Variants in TMEM35A observed in about 807,000 individuals in gnomAD.
TMEM35A encodes the protein transmembrane protein 35A.
For synonymous variants in TMEM35A, 50 were observed against 54.7 expected, an observed-to-expected ratio of 0.91 and a Z score of 0.38; for missense variants, 83 against 132.7, an observed-to-expected ratio of 0.63 and a Z score of 1.84.
At chrX:101,091,695 T>A (rs1325782986) in intron 1 of TMEM35A, among the ~76,000 whole-genome samples, 2 of 111,979 alleles carry the variant, frequency 1.8e-5, no homozygotes, top group African/African-American at 6.5e-5. Context: ...CTCCATGATC[T>A]AATTCATATT....
At position 101,095,443 on chromosome X, in the gene TMEM35A, A is replaced by C; in HGVS notation, c.*487A>C. The C allele has an allele frequency of 8.9e-6, 1 of 112,675 alleles. No individual in the cohort carries two copies. Among genetic ancestry groups the C allele is most frequent in the African/African-American group, 3.2e-5 (1 of 31,010 alleles). The allele number at this position is 112,675 out of a possible 1,213,427, so 9.3% of individuals were successfully genotyped here. On this transcript the variant is annotated 3_prime_UTR_variant, in exon 2 of 2. Transcript: ENST00000372930. ...AAAGGCGGAATAAAACAAATTTCCT[A>C]TGAAGAGAATCCTGATATGAAACAA...
At chrX:101,091,626 T>G (rs1263264596) in intron 1 of TMEM35A, among the ~76,000 whole-genome samples, 1 of 112,037 alleles carries the variant, frequency 8.9e-6, no homozygotes, top group East Asian at 2.8e-4. Flanking sequence ...GGAATTTCTT[T>G]AAAAGTTCCT....
chrX:101,081,339 G>GCAT (rs1290330466), intron 1 of TMEM35A, among the ~76,000 whole-genome samples: 3 of 112,677 alleles, frequency 2.7e-5, no homozygotes, highest in Admixed American at 9.4e-5. Flanking sequence ...AAAGCCTACT[G>GCAT]CATAGTGCCT....
intron 1 of TMEM35A, among the ~76,000 whole-genome samples, chrX:101,090,972 G>A (rs2089322469): frequency 9.1e-6 from 1 of 110,485 alleles, no homozygotes; most frequent in African/African-American, 3.3e-5. Context: ...GAGTAGCTGG[G>A]ACTTATAGGC....
At chrX:101,092,716 A>T (rs2089327518) in intron 1 of TMEM35A, among the ~76,000 whole-genome samples, 1 of 109,230 alleles carries the variant, frequency 9.2e-6, no homozygotes, top group Admixed American at 9.9e-5. Context: ...AAAAAAAAAA[A>T]AAAATCAGCC....
chrX:101,094,359 C>CCCA (rs1402662298), intron 1 of TMEM35A: 1 of 299,170 alleles, frequency 3.3e-6, no homozygotes, highest in Non-Finnish European at 5.7e-6. Flanking sequence ...AGGTGATCTG[C>CCCA]CCACCTCGGC....
chrX:101,083,042 G>T (rs752987788), intron 1 of TMEM35A, among the ~76,000 whole-genome samples: 1 of 111,848 alleles, frequency 8.9e-6, no homozygotes, highest in Non-Finnish European at 1.9e-5. Context: ...CACACTTGCT[G>T]CTGTGTAGTG....
intron 1 of TMEM35A, among the ~76,000 whole-genome samples, chrX:101,085,034 A>G (rs1265668410): frequency 3.6e-5 from 4 of 111,847 alleles, no homozygotes; most frequent in Non-Finnish European, 7.5e-5. Flanking sequence ...CTGATTTTGA[A>G]TTTTATATAA....
At chrX:101,088,671 C>T (rs921890457) in intron 1 of TMEM35A, among the ~76,000 whole-genome samples, 1 of 111,078 alleles carries the variant, frequency 9.0e-6, no homozygotes, top group Admixed American at 9.6e-5. Context: ...TTTGGGAGAC[C>T]GAGGCAGGTG....
At chrX:101,082,273 T>C (rs1349322293) in intron 1 of TMEM35A, among the ~76,000 whole-genome samples, 1 of 105,585 alleles carries the variant, frequency 9.5e-6, no homozygotes, top group Non-Finnish European at 1.9e-5. Context: ...TGAACTTTTC[T>C]CCTGTTTCTA....
chrX:101,094,755 G>A lies in TMEM35A; in HGVS notation c.303G>A (p.Val101=). 6.6e-6 allele frequency: 8 copies of A among 1,211,496 alleles called. No individual in the cohort carries two copies. The highest frequency in any genetic ancestry group is 8.9e-6 in the Non-Finnish European group (8 of 895,487). The change falls in exon 2 of 2, where the codon GTG becomes GTA. Residue 101 remains valine (V), a synonymous_variant. Coordinates refer to ENST00000372930, the MANE Select transcript of TMEM35A (RefSeq NM_021637.3). The part of the protein sequence containing the change: ...NFFLLLLVLA[V]LFFHQLVGDP... ...TCCTACTGTTGCTGGTGTTGGCTGT[G>A]CTCTTCTTCCACCAGCTGGTCGGTG...
intron 1 of TMEM35A, among the ~76,000 whole-genome samples, chrX:101,086,952 CTT>C (rs144682101): frequency 5.8e-4 from 42 of 72,674 alleles, no homozygotes; most frequent in African/African-American, 1.8e-3. Flanking sequence ...TAATAGGATT[CTT>C]TTTTTTTTTT....
chrX:101,084,701 C>G (rs57587585), intron 1 of TMEM35A, among the ~76,000 whole-genome samples: 35,040 of 109,436 alleles, frequency 0.32, 4,965 homozygotes, highest in Middle Eastern at 0.47. Context: ...CCCGTTTCTA[C>G]TAAAAATACA....
Position 101,093,287 on chromosome X carries a change from T to G in TMEM35A, c.121-1286T>G, listed in dbSNP as rs944552939. ...CCTAGTGAATTTTTAAAAAATTCTT[T>G]TTATTTATTTATTTATTTGCTTATT... On this transcript the variant is annotated intron_variant, in intron 1 of 1. Transcript: ENST00000372930. Among the ~76,000 whole-genome samples the G allele has an allele frequency of 4.5e-5, 5 of 111,114 alleles. No homozygotes were observed. In the Admixed American group the frequency reaches 4.8e-4, roughly 11 times the overall value.
chrX:101,079,210 A>G, intron 1 of TMEM35A, 88 bp downstream of exon 1: 1 of 1,086,072 alleles, frequency 9.2e-7, no homozygotes, highest in Non-Finnish European at 1.2e-6. Context: ...TTCTGGTCCC[A>G]CCCCCTTAGC....
At chrX:101,083,458 G>A (rs1167188234) in intron 1 of TMEM35A, among the ~76,000 whole-genome samples, 1 of 111,746 alleles carries the variant, frequency 8.9e-6, no homozygotes, top group East Asian at 2.8e-4. Flanking sequence ...CTGATTCTTT[G>A]CATCCCCTCA....
intron 1 of TMEM35A, among the ~76,000 whole-genome samples, chrX:101,091,136 C>A (rs111776704): frequency 1.8e-5 from 2 of 110,554 alleles, no homozygotes; most frequent in Admixed American, 9.7e-5. Context: ...ACACTGCACC[C>A]GGCCAGATTT....
At chrX:101,082,695 A>G (rs2089296226) in intron 1 of TMEM35A, among the ~76,000 whole-genome samples, 1 of 110,300 alleles carries the variant, frequency 9.1e-6, no homozygotes, top group Admixed American at 9.8e-5. Context: ...CCCAGGCTGG[A>G]GTGCAATGGT....
At chrX:101,092,585 C>T (rs370824751) in intron 1 of TMEM35A, among the ~76,000 whole-genome samples, 69 of 110,918 alleles carry the variant, frequency 6.2e-4, no homozygotes, top group African/African-American at 2.1e-3. Context: ...TGAGGCTGGG[C>T]GCAATGGCTC....
Sources: gnomAD v4.1 joint callset for allele counts (sites outside exome capture counted in the v4.1 genomes callset) on GRCh38, gnomAD v4.1.1 for gene constraint, MANE v1.5 for transcripts, NCBI Gene and HGNC (gene_info 2026-07-23, HGNC 2026-07-21) for gene names.